Variants in AUTS2 observed in about 807,000 individuals in gnomAD.
The protein encoded by AUTS2 is autism susceptibility gene 2 protein.
AUTS2 carries 17 observed loss-of-function variants against 112.4 expected under a neutral mutation model. The observed-to-expected ratio is 0.15, with a 90% CI of 0.10 to 0.23. The LOEUF (loss-of-function observed/expected upper bound fraction) is 0.23, where lower values mean the gene tolerates loss of function less well. Ranked by LOEUF, AUTS2 falls within the 10% of genes least tolerant of loss-of-function variation. The probability of loss-of-function intolerance (pLI) is 1.00; values close to 1 mark genes in which losing one functional copy is unlikely to be tolerated. For missense variants in AUTS2, 1,510 were observed against 1,701.6 expected, an observed-to-expected ratio of 0.89 and a Z score of 1.98; for synonymous variants, 751 against 702.7, an observed-to-expected ratio of 1.07 and a Z score of -1.09.
At chr7:70,681,408 C>T (rs1441362822) in intron 5 of AUTS2, among the ~76,000 whole-genome samples, 1 of 152,136 alleles carries the variant, frequency 6.6e-6, no homozygotes, top group Middle Eastern at 3.2e-3. Context: ...CATGGAGAAT[C>T]AGAGGAGAGG....
intron 4 of AUTS2, among the ~76,000 whole-genome samples, chr7:70,364,867 T>C (rs1792494627): frequency 6.6e-6 from 1 of 152,124 alleles, no homozygotes; most frequent in Non-Finnish European, 1.5e-5. Context: ...AAATAAAATA[T>C]TTTTTATTTA....
At chr7:70,267,216 G>A (rs913728920) in intron 4 of AUTS2, among the ~76,000 whole-genome samples, 3 of 151,198 alleles carry the variant, frequency 2.0e-5, no homozygotes, top group Admixed American at 1.3e-4. Context: ...CACATTTATC[G>A]CTGTTTAGTG....
At chr7:69,604,755 C>T (rs1039123822) in intron 1 of AUTS2, among the ~76,000 whole-genome samples, 1 of 152,342 alleles carries the variant, frequency 6.6e-6, no homozygotes, top group South Asian at 2.1e-4. Flanking sequence ...GGCAGGAGAC[C>T]TGTGGAGACC....
chr7:70,296,821 T>C (rs999495424), intron 4 of AUTS2, among the ~76,000 whole-genome samples: 9 of 151,416 alleles, frequency 5.9e-5, no homozygotes, highest in African/African-American at 1.2e-4. Flanking sequence ...GCTATTGATA[T>C]GTATTTCCCT....
At chr7:69,813,314 T>C (rs1343159176) in intron 1 of AUTS2, among the ~76,000 whole-genome samples, 1 of 152,188 alleles carries the variant, frequency 6.6e-6, no homozygotes, top group Admixed American at 6.5e-5. Context: ...TCCACCTGTA[T>C]TTCTATTGCT....
chr7:70,049,899 G>A (rs1226884348), intron 2 of AUTS2, among the ~76,000 whole-genome samples: 2 of 151,942 alleles, frequency 1.3e-5, no homozygotes, highest in African/African-American at 2.4e-5. Context: ...TATATATGAA[G>A]ATATGATATA....
intron 5 of AUTS2, among the ~76,000 whole-genome samples, chr7:70,513,129 C>G (rs554482638): frequency 6.6e-6 from 1 of 152,336 alleles, no homozygotes; most frequent in Admixed American, 6.5e-5. Flanking sequence ...CAGTAACAGC[C>G]TTATTATCAC....
At chr7:70,646,509 C>G (rs1190917639) in intron 5 of AUTS2, among the ~76,000 whole-genome samples, 1 of 152,202 alleles carries the variant, frequency 6.6e-6, no homozygotes, top group Non-Finnish European at 1.5e-5. Flanking sequence ...CAGGTTGCAA[C>G]AAAAACACCC....
intron 1 of AUTS2, among the ~76,000 whole-genome samples, chr7:69,610,462 C>G (rs1160671314): frequency 1.3e-5 from 2 of 152,142 alleles, no homozygotes; most frequent in Non-Finnish European, 2.9e-5. Context: ...TTTTTATCAA[C>G]TATAGTACTC....
At chr7:70,466,040 A>G (rs372732983) in intron 5 of AUTS2, among the ~76,000 whole-genome samples, 1 of 152,278 alleles carries the variant, frequency 6.6e-6, no homozygotes, top group Non-Finnish European at 1.5e-5. Context: ...CACGGTGGAG[A>G]GAACAGATAT....
chr7:69,952,889 A>G (rs1324495601), intron 2 of AUTS2, among the ~76,000 whole-genome samples: 1 of 152,208 alleles, frequency 6.6e-6, no homozygotes, highest in Non-Finnish European at 1.5e-5. Context: ...GGCCACAGAT[A>G]GATATCCCTT....
At chr7:70,340,194 A>ACACACACACACACACACC (rs942358361) in intron 4 of AUTS2, among the ~76,000 whole-genome samples, 10 of 151,006 alleles carry the variant, frequency 6.6e-5, no homozygotes, top group African/African-American at 2.2e-4. Flanking sequence ...ACACACACAC[A>ACACACACACACACACACC]CCCCGTAATA....
At chr7:70,280,284 CTTT>C (rs530905531) in intron 4 of AUTS2, among the ~76,000 whole-genome samples, 1 of 135,554 alleles carries the variant, frequency 7.4e-6, no homozygotes, top group Non-Finnish European at 1.6e-5. Context: ...TTCTTTCTTT[CTTT>C]TTTTTTTTTT....
chr7:70,563,279 AAAATT>A (rs1393945077), intron 5 of AUTS2, among the ~76,000 whole-genome samples: 1 of 152,170 alleles, frequency 6.6e-6, no homozygotes. Flanking sequence ...GAAAGTATGA[AAAATT>A]AAACTTTTAC....
chr7:70,657,259 A>T (rs1400852089), intron 5 of AUTS2, among the ~76,000 whole-genome samples: 2 of 152,202 alleles, frequency 1.3e-5, no homozygotes, highest in East Asian at 1.9e-4. Flanking sequence ...GCATGCAAGG[A>T]TACATTATAC....
At position 70,731,620 on chromosome 7, in the gene AUTS2, G is replaced by A. The variant is rs181357751; in HGVS notation, c.743-31250G>A. 6.3e-4 allele frequency among the ~76,000 whole-genome samples: 95 copies of A among 151,272 alleles called. No homozygotes were observed. In the East Asian group the frequency reaches 0.013, roughly 21 times the overall value. ...AATTTTTTATATTTTTAGTAGAGAC[G>A]GGGTTTCACCATGTTAGCCAGGATG... On this transcript the variant is annotated intron_variant, in intron 6 of 18. Transcript: ENST00000342771.
chr7:70,342,314 T>C (rs966477254), intron 4 of AUTS2, among the ~76,000 whole-genome samples: 2 of 151,828 alleles, frequency 1.3e-5, no homozygotes, highest in African/African-American at 4.8e-5. Flanking sequence ...TTCTGGCACA[T>C]AATTTTTTCT....
intron 2 of AUTS2, among the ~76,000 whole-genome samples, chr7:70,100,328 C>T (rs1405539957): frequency 2.0e-5 from 3 of 152,046 alleles, no homozygotes; most frequent in Admixed American, 6.5e-5. Flanking sequence ...TTTATGAATA[C>T]AACTTTAAGA....
chr7:70,198,398 A>G (rs913437901), intron 4 of AUTS2, among the ~76,000 whole-genome samples: 5 of 152,076 alleles, frequency 3.3e-5, no homozygotes, highest in Non-Finnish European at 5.9e-5. Context: ...ACTCTGAGCT[A>G]CGGGATAACA....
Sources: allele counts gnomAD v4.1 joint callset (sites outside exome capture counted in the v4.1 genomes callset), GRCh38; gene constraint gnomAD v4.1.1; transcripts MANE v1.5; gene names NCBI Gene and HGNC (gene_info 2026-07-23, HGNC 2026-07-21).